CSMD1: variants seen among roughly 807,000 people sequenced by gnomAD.
The protein encoded by CSMD1 is CUB and Sushi multiple domains 1, also known as CUB and sushi domain-containing protein 1.
A neutral mutation model predicts 417.5 loss-of-function variants in CSMD1; 213 were observed. The ratio of observed to expected loss-of-function variants is 0.51; its 90% CI spans 0.46 to 0.57. CSMD1 has a LOEUF of 0.57. Among genes scored for constraint, CSMD1 ranks in the 20% least tolerant of loss-of-function variants. The probability of loss-of-function intolerance (pLI) is 0.00; values close to 1 mark genes in which losing one functional copy is unlikely to be tolerated. For synonymous variants in CSMD1, 2,862 were observed against 1,736.8 expected, an observed-to-expected ratio of 1.65 and a Z score of -16.11; for missense variants, 6,923 against 4,529.7, an observed-to-expected ratio of 1.53 and a Z score of -15.17.
chr8:4,475,462 T>C (rs1800749022), intron 2 of CSMD1, among the ~76,000 whole-genome samples: 1 of 152,138 alleles, frequency 6.6e-6, no homozygotes, highest in Non-Finnish European at 1.5e-5. Context: ...GGCAACCCCA[T>C]TTGATTCTCG....
intron 2 of CSMD1, among the ~76,000 whole-genome samples, chr8:4,621,525 C>T (rs546823206): frequency 6.6e-6 from 1 of 152,178 alleles, no homozygotes; most frequent in East Asian, 1.9e-4. Flanking sequence ...ATCTATACAG[C>T]CCTAAATCTA....
In CSMD1 at chr8:2,995,487, A is replaced by G. The variant is rs562610193; in HGVS notation, c.8377+2524T>C. On this transcript the variant is annotated intron_variant, in intron 54 of 69. Coordinates refer to ENST00000635120, the MANE Select transcript of CSMD1 (RefSeq NM_033225.6). ...CCGCCATGCTGGAAAAATGCTTGGCAGTTTCTTATAAGACTAAACTTGCAA... is the reference window on the plus strand; with the variant it reads ...CCGCCATGCTGGAAAAATGCTTGGCGGTTTCTTATAAGACTAAACTTGCAA... Among the ~76,000 whole-genome samples the G allele has an allele frequency of 5.3e-5, 8 of 152,320 alleles. No homozygotes were observed. In the South Asian group the frequency reaches 1.7e-3, roughly 32 times the overall value.
At chr8:4,847,199 T>G (rs1313369700) in intron 1 of CSMD1, among the ~76,000 whole-genome samples, 1 of 152,210 alleles carries the variant, frequency 6.6e-6, no homozygotes, top group Non-Finnish European at 1.5e-5. Context: ...CTAAGGTCTC[T>G]CACTATATGA....
chr8:4,338,798 A>G (rs980063328), intron 3 of CSMD1, among the ~76,000 whole-genome samples: 1 of 152,108 alleles, frequency 6.6e-6, no homozygotes, highest in Admixed American at 6.6e-5. Context: ...TATTAGTTTA[A>G]TGTTGCAATT....
At chr8:3,617,082 T>G (rs1802177432) in intron 7 of CSMD1, among the ~76,000 whole-genome samples, 1 of 152,208 alleles carries the variant, frequency 6.6e-6, no homozygotes, top group Non-Finnish European at 1.5e-5. Context: ...TTATGATTAC[T>G]TTTATGCCAG....
chr8:3,523,650 G>C (rs10100256), intron 10 of CSMD1, among the ~76,000 whole-genome samples: 237 of 144,348 alleles, frequency 1.6e-3, no homozygotes, highest in African/African-American at 5.7e-3. Context: ...TGCACACACA[G>C]GCACAGTTAC....
rs550324961 is a variant in CSMD1 at position 4,332,976 on chromosome 8, G to T, written c.415+86977C>A. Among the ~76,000 whole-genome samples the T allele has an allele frequency of 8.2e-5, 12 of 147,228 alleles. No homozygotes were observed. In the South Asian group the frequency reaches 2.3e-3, roughly 29 times the overall value. On this transcript the variant is annotated intron_variant, in intron 3 of 69. Transcript: ENST00000635120. ...AAAAAAACTAAGATTTCTGCCTTCA[G>T]TTTTGAGGTAAACGTCATATGAAAG...
At chr8:4,808,755 A>T (rs988224851) in intron 1 of CSMD1, among the ~76,000 whole-genome samples, 1 of 152,220 alleles carries the variant, frequency 6.6e-6, no homozygotes, top group African/African-American at 2.4e-5. Context: ...ATTAAAACAT[A>T]AACTTATTTA....
At chr8:4,954,540 T>C (rs1467149733) in intron 1 of CSMD1, among the ~76,000 whole-genome samples, 1 of 152,148 alleles carries the variant, frequency 6.6e-6, no homozygotes, top group East Asian at 1.9e-4. Context: ...ATTTTATTTT[T>C]TTAAAAAATA....
chr8:4,577,994 G>T (rs1799217630), intron 2 of CSMD1, among the ~76,000 whole-genome samples: 1 of 152,104 alleles, frequency 6.6e-6, no homozygotes, highest in African/African-American at 2.4e-5. Flanking sequence ...TGGACTTTCG[G>T]GGATCACATA....
chr8:4,893,683 C>T (rs1228773728), intron 1 of CSMD1, among the ~76,000 whole-genome samples: 1 of 152,100 alleles, frequency 6.6e-6, no homozygotes, highest in Non-Finnish European at 1.5e-5. Flanking sequence ...TTCAAACTGT[C>T]ACCTGTACCA....
At chr8:3,832,317 A>T (rs912980544) in intron 5 of CSMD1, among the ~76,000 whole-genome samples, 2 of 152,146 alleles carry the variant, frequency 1.3e-5, no homozygotes, top group African/African-American at 2.4e-5. Context: ...AAACGCAATG[A>T]TGTTCCTTGT....
intron 7 of CSMD1, among the ~76,000 whole-genome samples, chr8:3,694,364 T>C (rs1041298192): frequency 1.3e-5 from 2 of 152,072 alleles, no homozygotes. Context: ...CTGAGGATTT[T>C]CCCAAACTGA....
intron 4 of CSMD1, among the ~76,000 whole-genome samples, chr8:4,018,584 C>T (rs1796633206): frequency 6.6e-6 from 1 of 152,206 alleles, no homozygotes; most frequent in African/African-American, 2.4e-5. Context: ...CTCCAGGCAA[C>T]CAGCACCCCC....
At chr8:3,511,393 T>C (rs564617948) in intron 10 of CSMD1, among the ~76,000 whole-genome samples, 36 of 151,804 alleles carry the variant, frequency 2.4e-4, no homozygotes, top group African/African-American at 8.5e-4. Context: ...AAAAAATTCC[T>C]TAACTGGCAT....
At chr8:3,511,762 A>AATAAC (rs200325169) in intron 10 of CSMD1, among the ~76,000 whole-genome samples, 7,246 of 138,136 alleles carry the variant, frequency 0.052, 245 homozygotes, top group East Asian at 0.096. Context: ...TCTCTAAAAA[A>AATAAC]ATAACATAAC....
At chr8:4,723,429 A>C (rs1278287441) in intron 1 of CSMD1, among the ~76,000 whole-genome samples, 2 of 152,206 alleles carry the variant, frequency 1.3e-5, no homozygotes, top group Non-Finnish European at 2.9e-5. Flanking sequence ...TTTGGAGTAC[A>C]TAATAATGTG....
chr8:4,191,389 C>T (rs1799023250), intron 3 of CSMD1, among the ~76,000 whole-genome samples: 1 of 151,986 alleles, frequency 6.6e-6, no homozygotes, highest in Non-Finnish European at 1.5e-5. Context: ...GAGCAAGACT[C>T]TGTCTCAGAA....
At chr8:4,468,327 G>C (rs568314344) in intron 2 of CSMD1, among the ~76,000 whole-genome samples, 80 of 152,110 alleles carry the variant, frequency 5.3e-4, no homozygotes, top group African/African-American at 1.8e-3. Context: ...TGGGCGATAG[G>C]CCTTTTTAAA....
Sources: gnomAD v4.1 joint callset for allele counts (sites outside exome capture counted in the v4.1 genomes callset) on GRCh38, gnomAD v4.1.1 for gene constraint, MANE v1.5 for transcripts, NCBI Gene and HGNC (gene_info 2026-07-23, HGNC 2026-07-21) for gene names.